The following PRLR variants were observed in gnomAD, a reference collection of about 807,000 sequenced individuals.
PRLR encodes the protein prolactin receptor.
A neutral mutation model predicts 40.2 loss-of-function variants in PRLR; 13 were observed. The ratio of observed to expected loss-of-function variants is 0.32; its 90% CI spans 0.21 to 0.51. The LOEUF is 0.51. Among genes scored for constraint, PRLR ranks in the 20% least tolerant of loss-of-function variants. The pLI, the probability that PRLR is intolerant of heterozygous loss-of-function variation, is 0.97. For synonymous variants in PRLR, 269 were observed against 278.7 expected, an observed-to-expected ratio of 0.97 and a Z score of 0.35; for missense variants, 656 against 747.3, an observed-to-expected ratio of 0.88 and a Z score of 1.42.
rs558525802 is a variant in PRLR at position 35,098,302 on chromosome 5, G to A, written c.-43-8639C>T. Among the ~76,000 whole-genome samples the A allele has an allele frequency of 1.5e-4, 23 of 152,222 alleles. No homozygotes were observed. In the South Asian group the frequency reaches 4.1e-3, roughly 27 times the overall value. ...GTCACAGATAGTGTCTATACCCTTC[G>A]TTTGGGTTTTAAAATGAGAAGACAG... On this transcript the variant is annotated intron_variant, in intron 2 of 9. Transcript: ENST00000618457.
intron 2 of PRLR, 122 bp from the exon 3 acceptor site, chr5:35,089,785 GAGGAA>G (rs1771088349): frequency 1.6e-6 from 1 of 630,560 alleles, no homozygotes; most frequent in Non-Finnish European, 2.8e-6. Context: ...GACAAAATAG[GAGGAA>G]AGGAATGTAG....
chr5:35,208,177 G>GCGCACACA (rs1554056224), intron 1 of PRLR, among the ~76,000 whole-genome samples: 1 of 87,150 alleles, frequency 1.1e-5, no homozygotes, highest in Non-Finnish European at 3.0e-5. Flanking sequence ...CCACGCGCGC[G>GCGCACACA]CACACACACA....
At chr5:35,229,549 C>T (rs899996637) in intron 1 of PRLR, among the ~76,000 whole-genome samples, 3 of 152,128 alleles carry the variant, frequency 2.0e-5, no homozygotes, top group African/African-American at 7.2e-5. Context: ...TGACTTTAAC[C>T]AACTCCTCTT....
intron 3 of PRLR, among the ~76,000 whole-genome samples, chr5:35,086,744 C>T (rs188557396): frequency 1.2e-4 from 18 of 152,234 alleles, no homozygotes; most frequent in Admixed American, 9.8e-4. Flanking sequence ...GATACCCTCC[C>T]TCAGCCTAAG....
chr5:35,075,082 T>C (rs1158821590), intron 5 of PRLR, among the ~76,000 whole-genome samples: 1 of 152,206 alleles, frequency 6.6e-6, no homozygotes, highest in African/African-American at 2.4e-5. Flanking sequence ...GGTTCCAAGA[T>C]GGCTGAATAG....
chr5:35,121,036 G>T (rs983022149), intron 1 of PRLR, among the ~76,000 whole-genome samples: 2 of 152,182 alleles, frequency 1.3e-5, no homozygotes, highest in African/African-American at 4.8e-5. Context: ...ACCTCTGATA[G>T]AAGAGTGCAA....
rs1449911414 is a variant in PRLR at position 35,086,439 on chromosome 5, G to A, written c.71-99C>T. Reference sequence around the variant, plus strand: ...AACAGATTGATGGACCAAAGCCAGCGATGAAGTCTCAGGCTGAGGAGACCT... The same window carrying A: ...AACAGATTGATGGACCAAAGCCAGCAATGAAGTCTCAGGCTGAGGAGACCT... On this transcript the variant is annotated intron_variant, in intron 3 of 9. Transcript: ENST00000618457. 3.5e-5 allele frequency: 51 copies of A among 1,459,528 alleles called. 2 individuals carry two copies. Among genetic ancestry groups the A allele is most frequent in the South Asian group, 1.7e-4 (13 of 78,506 alleles). 90.4% of individuals were successfully genotyped at this position (1,459,528 alleles called of 1,614,324 possible).
intron 2 of PRLR, among the ~76,000 whole-genome samples, chr5:35,115,203 G>C (rs1300789081): frequency 1.3e-5 from 2 of 152,146 alleles, no homozygotes; most frequent in Non-Finnish European, 2.9e-5. Flanking sequence ...AGTAGCTACT[G>C]TATCAGACAG....
chr5:35,064,994 T>G lies in PRLR; in HGVS notation c.*95A>C. On this transcript the variant is annotated 3_prime_UTR_variant, in exon 10 of 10. Coordinates refer to ENST00000618457, the MANE Select transcript of PRLR (RefSeq NM_000949.7). The stretch of plus-strand genomic sequence containing the variant: ...TGAAAGGAGCTGGGAGCTTTAGTAG[T>G]GTCAGTCTGACTACATTCTTGAGCA... 2 of 1,374,824 alleles carry G rather than the reference T, an allele frequency of 1.5e-6. No individual in the cohort carries two copies. The highest frequency in any genetic ancestry group is 1.5e-5 in the South Asian group (1 of 68,702). 85.2% of individuals were successfully genotyped at this position (1,374,824 alleles called of 1,614,324 possible). A position where few individuals can be genotyped will look rare whatever the true frequency, so the allele number is the denominator to read the frequency against.
Position 35,065,684 on chromosome 5 carries a change from T to C in PRLR, c.1274A>G (p.Asn425Ser). 1.2e-6 allele frequency: 2 copies of C among 1,614,030 alleles called. No homozygotes were observed. Among genetic ancestry groups the C allele is most frequent in the Non-Finnish European group, 1.7e-6 (2 of 1,180,004 alleles). ...AATATTGTGGTAAGAGGATCTGGGG[T>C]TGTGCTGGCTGGGCTGTGGTAAGGG... Reference protein sequence around the residue: ...TWPLPQPSQHNPRSSYHNITD... With the variant: ...TWPLPQPSQHSPRSSYHNITD... The change falls in exon 10 of 10, where the codon AAC (asparagine) becomes AGC (serine). Residue 425 changes from asparagine (N) to serine (S), a missense_variant. Around this residue, in one of 3 missense-constraint regions of PRLR, gnomAD observed 469 missense variants for 491.5 expected, o/e 0.95. Transcript: ENST00000618457.
chr5:35,210,146 A>T (rs1170832552), intron 1 of PRLR, among the ~76,000 whole-genome samples: 3 of 152,044 alleles, frequency 2.0e-5, no homozygotes, highest in African/African-American at 7.2e-5. Context: ...TTACCTTCCC[A>T]TTTTGATCTT....
chr5:35,110,229 AG>A (rs1015198618), intron 2 of PRLR, among the ~76,000 whole-genome samples: 1 of 151,828 alleles, frequency 6.6e-6, no homozygotes, highest in African/African-American at 2.4e-5. Context: ...GGATGGGGGG[AG>A]GGGGTGATAG....
intron 1 of PRLR, among the ~76,000 whole-genome samples, chr5:35,160,165 G>A (rs866799633): frequency 6.6e-6 from 1 of 152,162 alleles, no homozygotes; most frequent in Non-Finnish European, 1.5e-5. Flanking sequence ...AAATGATTTT[G>A]ACATTTTTGA....
At chr5:35,199,106 T>C (rs1775811990) in intron 1 of PRLR, among the ~76,000 whole-genome samples, 1 of 152,164 alleles carries the variant, frequency 6.6e-6, no homozygotes. Context: ...GAAAAATGCA[T>C]AGAAATGCAG....
Position 35,083,529 on chromosome 5 carries a change from T to A in PRLR, c.373+941A>T, listed in dbSNP as rs1383517935. On this transcript the variant is annotated intron_variant, in intron 5 of 9. Coordinates refer to ENST00000618457, the MANE Select transcript of PRLR (RefSeq NM_000949.7). The stretch of plus-strand genomic sequence containing the variant: ...TAAATTCTTTCTTTTCTTTTCTTTT[T>A]TTTTTTTTGATGTGGAGTCTCGCTC... Among the ~76,000 whole-genome samples the A allele has an allele frequency of 3.3e-5, 5 of 150,182 alleles. No homozygotes were observed. In the East Asian group the frequency reaches 9.6e-4, roughly 29 times the overall value.
chr5:35,173,599 C>T (rs375768134), intron 1 of PRLR, among the ~76,000 whole-genome samples: 70 of 152,292 alleles, frequency 4.6e-4, no homozygotes, highest in African/African-American at 1.6e-3. Flanking sequence ...CCTCCAAGGC[C>T]TCTGGCAAGA....
chr5:35,203,608 C>T (rs1239109162), intron 1 of PRLR, among the ~76,000 whole-genome samples: 1 of 152,120 alleles, frequency 6.6e-6, no homozygotes, highest in African/African-American at 2.4e-5. Flanking sequence ...TAATGAAACT[C>T]CAGTGGTTGG....
At chr5:35,075,049 T>C (rs998488804) in intron 5 of PRLR, among the ~76,000 whole-genome samples, 3 of 152,180 alleles carry the variant, frequency 2.0e-5, no homozygotes, top group African/African-American at 7.2e-5. Flanking sequence ...AACCAACTTT[T>C]AAAAATTTGC....
intron 2 of PRLR, among the ~76,000 whole-genome samples, chr5:35,090,986 G>A (rs537601173): frequency 4.0e-5 from 6 of 151,186 alleles, no homozygotes; most frequent in Non-Finnish European, 7.4e-5. Flanking sequence ...AATTTTTTTT[G>A]TATTTTTAGT....
Sources: allele counts gnomAD v4.1 joint callset (sites outside exome capture counted in the v4.1 genomes callset), GRCh38; gene constraint gnomAD v4.1.1; regional missense constraint gnomAD v4.1.1; transcripts MANE v1.5; gene names NCBI Gene and HGNC (gene_info 2026-07-23, HGNC 2026-07-21).